PCDHGB5: variants seen among roughly 807,000 people sequenced by gnomAD.
PCDHGB5 encodes the protein protocadherin gamma subfamily B, 5, also known as protocadherin gamma-B5.
A neutral mutation model predicts 62.9 loss-of-function variants in PCDHGB5; 48 were observed. The ratio of observed to expected loss-of-function variants is 0.76; its 90% CI spans 0.61 to 0.97. The LOEUF is 0.97. Among genes scored for constraint, PCDHGB5 ranks in the 50% least tolerant of loss-of-function variants. The pLI, the probability that PCDHGB5 is intolerant of heterozygous loss-of-function variation, is 0.00. For missense variants in PCDHGB5, 1,118 were observed against 1,198.6 expected (o/e 0.93, Z 0.99); for synonymous variants, 474 against 511.2 (o/e 0.93, Z 0.98).
At chr5:141,427,770 C>T (rs775095791) in intron 1 of PCDHGB5, 2 of 1,399,194 alleles carry the variant, frequency 1.4e-6, no homozygotes, top group Non-Finnish European at 2.0e-6. Context: ...TGACTTGGAG[C>T]TGCGGGCACT....
intron 1 of PCDHGB5, chr5:141,422,767 G>T: frequency 6.2e-7 from 1 of 1,613,786 alleles, no homozygotes; most frequent in Non-Finnish European, 8.5e-7. Context: ...CAACACTGGT[G>T]TTCTCTATGC....
Position 141,490,942 on chromosome 5 carries a change from C to T in PCDHGB5, c.2398-3865C>T, listed in dbSNP as rs371286343. On this transcript the variant is annotated intron_variant, in intron 1 of 3. Coordinates refer to ENST00000617380, the MANE Select transcript of PCDHGB5 (RefSeq NM_018925.3). This position sits in a 1 kb window ranked among gnomAD's most constrained non-coding sequence, Gnocchi z 5.4. ...TAATGCCCCAGCTGTGCTGCACCCA[C>T]GGCCAGACTGGGAACACTCAGCCCC... 8.7e-5 allele frequency: 141 copies of T among 1,613,526 alleles called. No individual in the cohort carries two copies. Among genetic ancestry groups the T allele is most frequent in the Non-Finnish European group, 1.1e-4 (126 of 1,179,768 alleles).
chr5:141,427,355 C>A (rs765449381), intron 1 of PCDHGB5: 9 of 457,430 alleles, frequency 2.0e-5, no homozygotes, highest in Non-Finnish European at 3.5e-5. Context: ...TAACTGAGGA[C>A]GCAGAACCCT....
rs779158655 is a variant in PCDHGB5 at position 141,398,960 on chromosome 5, C to A, written c.833C>A (p.Thr278Asn). ...DQDEGINSEITYSFYRTGQIF... is the reference protein window; with the variant it reads ...DQDEGINSEINYSFYRTGQIF... Reference sequence around the variant, plus strand: ...GACGAGGGCATCAACTCAGAAATTACTTATTCCTTCTACAGAACCGGGCAA... The same window carrying A: ...GACGAGGGCATCAACTCAGAAATTAATTATTCCTTCTACAGAACCGGGCAA... The change falls in exon 1 of 4, where the codon ACT (threonine) becomes AAT (asparagine). Residue 278 changes from threonine (T) to asparagine (N), a missense_variant. By Grantham distance (65) the Thr-to-Asn change is moderately conservative (BLOSUM62 0). Transcript: ENST00000617380. 3.1e-6 allele frequency: 5 copies of A among 1,613,986 alleles called. No individual in the cohort carries two copies.
At chr5:141,423,225 C>T (rs763729316) in intron 1 of PCDHGB5, 3 of 1,613,804 alleles carry the variant, frequency 1.9e-6, no homozygotes, top group South Asian at 1.1e-5. Context: ...TGGCTGTGGC[C>T]GACAGCATCC....
intron 1 of PCDHGB5, among the ~76,000 whole-genome samples, chr5:141,474,187 T>A (rs2099345004): frequency 6.6e-6 from 1 of 152,210 alleles, no homozygotes; most frequent in South Asian, 2.1e-4. Context: ...ACTACTTACA[T>A]TTTTAAAAGC....
At chr5:141,422,606 C>T in intron 1 of PCDHGB5, 1 of 1,613,904 alleles carries the variant, frequency 6.2e-7, no homozygotes, top group Non-Finnish European at 8.5e-7. Flanking sequence ...TCTTACTCTG[C>T]CTACATTCCC....
In PCDHGB5 at chr5:141,421,044, C is replaced by A. The variant is rs556562994; in HGVS notation, c.2397+20520C>A. 5.5e-6 allele frequency: 3 copies of A among 548,610 alleles called. No individual in the cohort carries two copies. In the South Asian group the frequency reaches 8.2e-5, roughly 15 times the overall value. The allele number at this position is 548,610 out of a possible 1,614,324, so 34.0% of individuals were successfully genotyped here. A position where few individuals can be genotyped will look rare whatever the true frequency, so the allele number is the denominator to read the frequency against. ...CGCGCCATTGAGTCCCTCCCTCCCCCGCCTCTACCACACAAAGCGGAATGA... is the reference window on the plus strand; with the variant it reads ...CGCGCCATTGAGTCCCTCCCTCCCCAGCCTCTACCACACAAAGCGGAATGA... On this transcript the variant is annotated intron_variant, in intron 1 of 3. Transcript: ENST00000617380.
rs781550738 is a variant in PCDHGB5 at position 141,487,383 on chromosome 5, C to A, written c.2398-7424C>A. On this transcript the variant is annotated intron_variant, in intron 1 of 3. Transcript: ENST00000617380. This position sits in a 1 kb window ranked among gnomAD's most constrained non-coding sequence, Gnocchi z 5.0. Reference sequence around the variant, plus strand: ...GGCACCTGTGCCTGTCTCACCAGATCTCGAAGGAGGGAGGGGCTTCCCCCT... The same window carrying A: ...GGCACCTGTGCCTGTCTCACCAGATATCGAAGGAGGGAGGGGCTTCCCCCT... The A allele has an allele frequency of 3.7e-6, 6 of 1,614,196 alleles. No individual in the cohort carries two copies. The South Asian group carries it at 6.6e-5, about 18-fold the overall frequency.
Position 141,491,208 on chromosome 5 carries a change from C to A in PCDHGB5, c.2398-3599C>A. ...TGAGGGACAATGGTGACCCTTCACT[C>A]TCCTCCACAGCCACAGTGCTGCTGG... On this transcript the variant is annotated intron_variant, in intron 1 of 3. Coordinates refer to ENST00000617380, the MANE Select transcript of PCDHGB5 (RefSeq NM_018925.3). The surrounding 1 kb of genome is among the most constrained non-coding windows in gnomAD (Gnocchi z 6.9). The A allele has an allele frequency of 6.2e-7, 1 of 1,614,204 alleles. No homozygotes were observed. Among genetic ancestry groups the A allele is most frequent in the African/African-American group, 1.3e-5 (1 of 75,058 alleles).
intron 1 of PCDHGB5, chr5:141,420,184 A>G: frequency 5.0e-6 from 8 of 1,613,990 alleles, no homozygotes; most frequent in Non-Finnish European, 6.8e-6. Context: ...ATCATTGTCC[A>G]GCCACACAAG....
chr5:141,408,636 C>T (rs1236637669), intron 1 of PCDHGB5: 2 of 1,614,024 alleles, frequency 1.2e-6, no homozygotes. Flanking sequence ...ATTTTCGAAT[C>T]TGCATCCGCT....
At chr5:141,500,452 G>C (rs554196222) in intron 2 of PCDHGB5, among the ~76,000 whole-genome samples, 1 of 151,506 alleles carries the variant, frequency 6.6e-6, no homozygotes, top group South Asian at 2.1e-4. Context: ...CTCGTGATCC[G>C]CCCGCCTCGG....
At chr5:141,440,868 T>A (rs1288344051) in intron 1 of PCDHGB5, 1 of 152,150 alleles carries the variant, frequency 6.6e-6, no homozygotes, top group East Asian at 1.9e-4. Flanking sequence ...ATCTAGGATG[T>A]GTACAGCGTC....
chr5:141,483,648 TTGTG>T (rs111458813), intron 1 of PCDHGB5, among the ~76,000 whole-genome samples: 10 of 149,592 alleles, frequency 6.7e-5, no homozygotes, highest in Non-Finnish European at 1.0e-4. Flanking sequence ...GGGTGTGTGT[TTGTG>T]TGTGTGTGTG....
rs762413220 is a variant in PCDHGB5 at position 141,403,196 on chromosome 5, G to T, written c.2397+2672G>T. 1.9e-6 allele frequency: 3 copies of T among 1,613,986 alleles called. No individual in the cohort carries two copies. The South Asian group carries it at 3.3e-5, about 18-fold the overall frequency. ...GCTTTTCTCTCTGAACCCGCGCAGC[G>T]GCACCTTGGTCACCGCGGGTAGGAT... is the stretch of plus-strand genomic sequence containing the variant. On this transcript the variant is annotated intron_variant, in intron 1 of 3. Transcript: ENST00000617380.
rs113648128 is a variant in PCDHGB5, at chr5:141,491,811, C to T, written c.2398-2996C>T. ...CACTCCTCTCCGGCCGGCTTGGTCG[C>T]TGGCTGCGCTCCACCCGATTCTCGG... On this transcript the variant is annotated intron_variant, in intron 1 of 3. Transcript: ENST00000617380. The surrounding 1 kb of genome is among the most constrained non-coding windows in gnomAD (Gnocchi z 6.9). 6.7e-7 allele frequency: 1 copy of T among 1,487,262 alleles called. No homozygotes were observed. The highest frequency in any genetic ancestry group is 1.4e-5 in the African/African-American group (1 of 70,544). 92.1% of individuals were successfully genotyped at this position (1,487,262 alleles called of 1,614,324 possible).
chr5:141,407,706 G>C (rs1350991580), intron 1 of PCDHGB5, among the ~76,000 whole-genome samples: 3 of 152,006 alleles, frequency 2.0e-5, no homozygotes, highest in Admixed American at 1.3e-4. Context: ...GTTGAAGGTG[G>C]GGTGATGGCT....
In PCDHGB5 at chr5:141,511,532, T is replaced by G. The variant is rs548369303; in HGVS notation, c.*359T>G. Reference sequence around the variant, plus strand: ...GCCCATCCATCCCATGCCTCCCTCCTCCCCACCCCACTCCAACAGTTCCTC... The same window carrying G: ...GCCCATCCATCCCATGCCTCCCTCCGCCCCACCCCACTCCAACAGTTCCTC... On this transcript the variant is annotated 3_prime_UTR_variant, in exon 4 of 4. Transcript: ENST00000617380. 3.6e-5 allele frequency: 12 copies of G among 335,506 alleles called. No homozygotes were observed. In the East Asian group the frequency reaches 8.0e-4, roughly 22 times the overall value. The allele number at this position is 335,506 out of a possible 1,614,324, so 20.8% of individuals were successfully genotyped here. A position where few individuals can be genotyped will look rare whatever the true frequency, so the allele number is the denominator to read the frequency against.
Sources: allele counts gnomAD v4.1 joint callset (sites outside exome capture counted in the v4.1 genomes callset), GRCh38; gene constraint gnomAD v4.1.1; non-coding constraint Gnocchi (gnomAD v3.1); transcripts MANE v1.5; gene names NCBI Gene and HGNC (gene_info 2026-07-23, HGNC 2026-07-21).